Variants in RSBN1L observed in about 807,000 individuals in gnomAD.
The protein encoded by RSBN1L is lysine-specific demethylase RSBN1L.
RSBN1L carries 30 observed loss-of-function variants against 67.7 expected under a neutral mutation model. That is an observed-to-expected ratio of 0.44 (90% CI 0.33 to 0.60). The LOEUF (loss-of-function observed/expected upper bound fraction) is 0.60. Ranked by LOEUF, RSBN1L falls within the 20% of genes least tolerant of loss-of-function variation. The probability of loss-of-function intolerance (pLI) is 0.02; values close to 1 mark genes in which losing one functional copy is unlikely to be tolerated. For synonymous variants in RSBN1L, 433 were observed against 387.0 expected, an observed-to-expected ratio of 1.12 and a Z score of -1.39; for missense variants, 992 against 1,031.7, an observed-to-expected ratio of 0.96 and a Z score of 0.53.
chr7:77,705,181 A>G (rs1177758678), intron 1 of RSBN1L, among the ~76,000 whole-genome samples: 1 of 152,188 alleles, frequency 6.6e-6, no homozygotes, highest in African/African-American at 2.4e-5. Context: ...AAATTGTGAT[A>G]AAATACATGT....
At chr7:77,774,289 G>A (rs1313713097) in intron 6 of RSBN1L, among the ~76,000 whole-genome samples, 1 of 152,110 alleles carries the variant, frequency 6.6e-6, no homozygotes, top group Non-Finnish European at 1.5e-5. Context: ...ATAAAGCAAA[G>A]TTATTGTAAT....
At chr7:77,701,634 G>A (rs1790819563) in intron 1 of RSBN1L, among the ~76,000 whole-genome samples, 1 of 147,902 alleles carries the variant, frequency 6.8e-6, no homozygotes, top group Non-Finnish European at 1.5e-5. Context: ...TCTTCCTTCT[G>A]AACTTTCACT....
chr7:77,699,731 G>A (rs1397463122), intron 1 of RSBN1L, among the ~76,000 whole-genome samples: 1 of 151,946 alleles, frequency 6.6e-6, no homozygotes, highest in Non-Finnish European at 1.5e-5. Flanking sequence ...TGACTTGCGT[G>A]ATAGCTTGAC....
intron 1 of RSBN1L, among the ~76,000 whole-genome samples, chr7:77,718,082 A>G (rs1172448166): frequency 1.3e-5 from 2 of 152,202 alleles, no homozygotes; most frequent in Non-Finnish European, 2.9e-5. Flanking sequence ...AAAGGGCAGT[A>G]TGGTAGGATT....
At position 77,778,930 on chromosome 7, in the gene RSBN1L, A is replaced by G. The variant is rs768670132; in HGVS notation, c.2303A>G (p.Asn768Ser). The change falls in exon 8 of 8, where the codon AAT becomes AGT. Residue 768 changes from asparagine (N) to serine (S), a missense_variant. Asn to Ser is a conservative substitution (Grantham distance 46). Coordinates refer to ENST00000334955, the MANE Select transcript of RSBN1L (RefSeq NM_198467.3). ...GTAAGAATCAAGGAAGAACCTGTGA[A>G]TGTTAATATTCCTGAAAAGACTACA... ...ASVRIKEEPV[N>S]VNIPEKTTAL... 1 of 1,614,062 alleles carries G rather than the reference A, an allele frequency of 6.2e-7. No homozygotes were observed. The highest frequency in any genetic ancestry group is 8.5e-7 in the Non-Finnish European group (1 of 1,179,924).
At chr7:77,756,904 A>C (rs1026354325) in intron 3 of RSBN1L, among the ~76,000 whole-genome samples, 3 of 152,182 alleles carry the variant, frequency 2.0e-5, no homozygotes, top group Non-Finnish European at 4.4e-5. Flanking sequence ...ATAATGATAG[A>C]AGCTGCGCAC....
At chr7:77,704,444 A>G (rs1319848174) in intron 1 of RSBN1L, among the ~76,000 whole-genome samples, 1 of 152,230 alleles carries the variant, frequency 6.6e-6, no homozygotes, top group South Asian at 2.1e-4. Context: ...TGAATTACAG[A>G]TTGAAAAGTT....
At position 77,779,180 on chromosome 7, in the gene RSBN1L, C is replaced by CA; in HGVS notation, c.*12_*13insA. ...ACATTTTGTGCTAAATTTGCATATA[C>CA]CATCTAAAATCCTTTTTTAAAAAAA... On this transcript the variant is annotated 3_prime_UTR_variant, in exon 8 of 8. Transcript: ENST00000334955. 6.5e-7 allele frequency: 1 copy of CA among 1,542,746 alleles called. No homozygotes were observed. The highest frequency in any genetic ancestry group is 1.2e-5 in the South Asian group (1 of 80,662).
intron 5 of RSBN1L, among the ~76,000 whole-genome samples, chr7:77,769,113 A>G (rs1439724913): frequency 6.6e-6 from 1 of 152,226 alleles, no homozygotes; most frequent in Non-Finnish European, 1.5e-5. Context: ...TGTGGAGGAT[A>G]TAAAGTAAGA....
At chr7:77,737,726 G>T (rs1480575950) in intron 2 of RSBN1L, among the ~76,000 whole-genome samples, 1 of 152,126 alleles carries the variant, frequency 6.6e-6, no homozygotes, top group Non-Finnish European at 1.5e-5. Context: ...ATGAATGCTT[G>T]AAAAGTCTGC....
In RSBN1L at chr7:77,737,796, G is replaced by A. The variant is rs906487534; in HGVS notation, c.703+1270G>A. Among the ~76,000 whole-genome samples the A allele has an allele frequency of 5.3e-5, 8 of 152,168 alleles. No homozygotes were observed. In the South Asian group the frequency reaches 1.7e-3, roughly 32 times the overall value. On this transcript the variant is annotated intron_variant, in intron 2 of 7. Coordinates refer to ENST00000334955, the MANE Select transcript of RSBN1L (RefSeq NM_198467.3). ...CCAGCAATTTGGGAGGCCGAGGCGG[G>A]TGGATCACTTGAGGTCAGGAGTTTG...
intron 2 of RSBN1L, among the ~76,000 whole-genome samples, chr7:77,741,910 G>T (rs1791415533): frequency 6.6e-6 from 1 of 151,914 alleles, no homozygotes; most frequent in African/African-American, 2.4e-5. Context: ...ACCCCAGTTT[G>T]GTTTCATGTA....
chr7:77,717,097 A>G (rs1005655276), intron 1 of RSBN1L, among the ~76,000 whole-genome samples: 3 of 151,850 alleles, frequency 2.0e-5, no homozygotes, highest in African/African-American at 7.3e-5. Flanking sequence ...AGTAGCTAGG[A>G]CTACAGGTGA....
At chr7:77,769,688 A>C (rs117956922) in intron 5 of RSBN1L, among the ~76,000 whole-genome samples, 2,874 of 152,324 alleles carry the variant, frequency 0.019, 41 homozygotes, top group Middle Eastern at 0.071. Flanking sequence ...AAGTTAATGT[A>C]CAAAGAGCAT....
rs746178759 is a variant in RSBN1L at position 77,697,015 on chromosome 7, C to T, written c.546C>T (p.Ala182=). The T allele has an allele frequency of 2.0e-5, 30 of 1,528,030 alleles. No homozygotes were observed. The highest frequency in any genetic ancestry group is 2.3e-5 in the Non-Finnish European group (26 of 1,142,942). The allele number at this position is 1,528,030 out of a possible 1,614,324, so 94.7% of individuals were successfully genotyped here. A position where few individuals can be genotyped will look rare whatever the true frequency, so the allele number is the denominator to read the frequency against. ...GTGGGGCCCGAGAGGCCGGCGGGGC[C>T]TCCCGGGAGGAGAACGGGGAGGTGA... The part of the protein sequence containing the change: ...GLGGAREAGG[A]SREENGEVKP... The change falls in exon 1 of 8, where the codon GCC becomes GCT. Residue 182 remains alanine, a synonymous_variant. Transcript: ENST00000334955.
chr7:77,772,383 ACT>A (rs1791861435), intron 5 of RSBN1L, among the ~76,000 whole-genome samples: 1 of 152,040 alleles, frequency 6.6e-6, no homozygotes, highest in African/African-American at 2.4e-5. Flanking sequence ...TAAAATGATG[ACT>A]CTCTGCCAAA....
intron 6 of RSBN1L, among the ~76,000 whole-genome samples, chr7:77,774,305 G>A (rs1030627598): frequency 1.3e-5 from 2 of 152,048 alleles, no homozygotes; most frequent in South Asian, 2.1e-4. Flanking sequence ...GTAATTTTGC[G>A]GCCAGGTGTG....
intron 1 of RSBN1L, among the ~76,000 whole-genome samples, chr7:77,714,080 T>G (rs1791012096): frequency 6.6e-6 from 1 of 152,190 alleles, no homozygotes; most frequent in Admixed American, 6.5e-5. Flanking sequence ...TGTTTTTAGA[T>G]TTGCACTTTT....
chr7:77,741,695 A>G (rs1368817385), intron 2 of RSBN1L, among the ~76,000 whole-genome samples: 1 of 151,466 alleles, frequency 6.6e-6, no homozygotes, highest in Non-Finnish European at 1.5e-5. Flanking sequence ...CGGTCTCAAA[A>G]AAAAAAAAAA....
Sources: allele counts gnomAD v4.1 joint callset (sites outside exome capture counted in the v4.1 genomes callset), GRCh38; gene constraint gnomAD v4.1.1; transcripts MANE v1.5; gene names NCBI Gene and HGNC (gene_info 2026-07-23, HGNC 2026-07-21).